UTRN: variants seen among roughly 807,000 people sequenced by gnomAD.
UTRN encodes the protein utrophin, also known as dystrophin-related protein 1.
A neutral mutation model predicts 463.9 loss-of-function variants in UTRN; 283 were observed. The observed-to-expected ratio is 0.61, with a 90% confidence interval of 0.55 to 0.67. UTRN has a LOEUF of 0.67. UTRN is among the 30% of genes least tolerant of loss of function. The probability of loss-of-function intolerance (pLI) is 0.00; values close to 1 mark genes in which losing one functional copy is unlikely to be tolerated. For synonymous variants in UTRN, 1,442 were observed against 1,431.5 expected, an observed-to-expected ratio of 1.01 and a Z score of -0.17; for missense variants, 3,922 against 4,084.3, an observed-to-expected ratio of 0.96 and a Z score of 1.08.
chr6:144,454,323 G>A (rs1262460295), intron 19 of UTRN, among the ~76,000 whole-genome samples: 1 of 151,850 alleles, frequency 6.6e-6, no homozygotes, highest in East Asian at 1.9e-4. Context: ...TATTTTTATA[G>A]TTAAGTTTGA....
chr6:144,560,444 C>A (rs1019580044), intron 50 of UTRN, among the ~76,000 whole-genome samples: 1 of 152,078 alleles, frequency 6.6e-6, no homozygotes, highest in Non-Finnish European at 1.5e-5. Context: ...GTAATGCACT[C>A]CAGTACGTGG....
At chr6:144,840,662 C>T (rs746322900) in intron 72 of UTRN, 78 bp from the exon 73 acceptor site, 1 of 1,500,396 alleles carries the variant, frequency 6.7e-7, no homozygotes, top group South Asian at 1.2e-5. Context: ...TGGAGTATTT[C>T]CTCCTGAATT....
At chr6:144,683,202 G>A (rs1782385516) in intron 52 of UTRN, among the ~76,000 whole-genome samples, 1 of 152,144 alleles carries the variant, frequency 6.6e-6, no homozygotes, top group Non-Finnish European at 1.5e-5. Flanking sequence ...AGCAGTCACT[G>A]GGCAAGGTGG....
chr6:144,658,102 C>G (rs1181196408), intron 51 of UTRN, among the ~76,000 whole-genome samples: 1 of 152,148 alleles, frequency 6.6e-6, no homozygotes, highest in Non-Finnish European at 1.5e-5. Flanking sequence ...TTGATCCAAA[C>G]TGTAGATTAT....
At chr6:144,798,052 C>A (rs893774923) in intron 64 of UTRN, 62 bp downstream of exon 64, 4 of 1,602,244 alleles carry the variant, frequency 2.5e-6, no homozygotes, top group Middle Eastern at 1.7e-4. Context: ...CTCAGTGGTA[C>A]GTCCATCCTC....
intron 60 of UTRN, among the ~76,000 whole-genome samples, chr6:144,776,889 A>G (rs1424447255): frequency 6.6e-6 from 1 of 152,072 alleles, no homozygotes; most frequent in African/African-American, 2.4e-5. Flanking sequence ...TGGCTGGGAC[A>G]CTCATTCCTG....
chr6:144,575,260 TAAA>T (rs944526970), intron 50 of UTRN, among the ~76,000 whole-genome samples: 1 of 151,856 alleles, frequency 6.6e-6, no homozygotes, highest in African/African-American at 2.4e-5. Flanking sequence ...CATTATAAAA[TAAA>T]AAAAATGCCA....
At chr6:144,541,579 C>T (rs1378112143) in intron 45 of UTRN, among the ~76,000 whole-genome samples, 1 of 152,216 alleles carries the variant, frequency 6.6e-6, no homozygotes, top group African/African-American at 2.4e-5. Flanking sequence ...TGGTTTATTT[C>T]ATTCATTCAT....
At chr6:144,310,003 C>T (rs1007237358) in intron 2 of UTRN, among the ~76,000 whole-genome samples, 2 of 152,192 alleles carry the variant, frequency 1.3e-5, no homozygotes, top group African/African-American at 4.8e-5. Context: ...CCCTCATTAG[C>T]CCTCTCCACC....
chr6:144,312,116 G>C (rs1479148649), intron 2 of UTRN: 1 of 152,190 alleles, frequency 6.6e-6, no homozygotes, highest in Non-Finnish European at 1.5e-5. Context: ...TAAAAAGTAA[G>C]TGAATTAACA....
At chr6:144,770,691 T>C (rs1247327646) in intron 58 of UTRN, among the ~76,000 whole-genome samples, 1 of 152,206 alleles carries the variant, frequency 6.6e-6, no homozygotes, top group Non-Finnish European at 1.5e-5. Context: ...ATCTAACATA[T>C]GAATTAGTTT....
At chr6:144,390,198 G>A (rs546135134) in intron 2 of UTRN, among the ~76,000 whole-genome samples, 3 of 152,150 alleles carry the variant, frequency 2.0e-5, no homozygotes, top group Non-Finnish European at 2.9e-5. Context: ...CGGGAGACAC[G>A]CTGTATAATA....
At chr6:144,406,177 A>G (rs1783377544) in intron 3 of UTRN, among the ~76,000 whole-genome samples, 1 of 152,194 alleles carries the variant, frequency 6.6e-6, no homozygotes, top group African/African-American at 2.4e-5. Flanking sequence ...TGGGTCCCTC[A>G]TTAATTAATG....
chr6:144,321,455 C>T (rs1385299993), intron 2 of UTRN, among the ~76,000 whole-genome samples: 1 of 147,830 alleles, frequency 6.8e-6, no homozygotes, highest in African/African-American at 2.6e-5. Context: ...AGTAGCTGTG[C>T]CATATCTTTT....
At chr6:144,443,991 A>G (rs1056926478) in intron 13 of UTRN, among the ~76,000 whole-genome samples, 1 of 152,156 alleles carries the variant, frequency 6.6e-6, no homozygotes, top group Non-Finnish European at 1.5e-5. Flanking sequence ...TCTCATAAAA[A>G]CCACAATGAA....
rs558556796 is a variant in UTRN, at chr6:144,748,374, T to C, written c.8068T>C (p.Leu2690=). 2.4e-5 allele frequency: 39 copies of C among 1,613,850 alleles called. No individual in the cohort carries two copies. The highest frequency in any genetic ancestry group is 1.5e-4 in the South Asian group (14 of 91,078). Residue 2690 remains leucine, a synonymous_variant, in exon 55 of 75, where the codon TTG becomes CTG. Transcript: ENST00000367545. ...TTGGCAAAAGCAAGTGGACAAGGCA[T>C]TGGAGAAACTCAGAGACCTGCAGGG... The part of the protein sequence containing the change: ...SNWQKQVDKA[L]EKLRDLQGAM...
intron 53 of UTRN, among the ~76,000 whole-genome samples, chr6:144,705,646 T>G (rs1268633071): frequency 1.3e-5 from 2 of 152,162 alleles, no homozygotes; most frequent in Non-Finnish European, 2.9e-5. Context: ...GGAGTTAGGA[T>G]TTCAACCTGT....
At chr6:144,453,914 A>G (rs777123271) in intron 19 of UTRN, 45 bp downstream of exon 19, 2 of 1,531,792 alleles carry the variant, frequency 1.3e-6, no homozygotes, top group Non-Finnish European at 1.8e-6. Context: ...AGATGGTGGC[A>G]TCGAATAATA....
At chr6:144,447,893 C>A in intron 16 of UTRN, 112 bp downstream of exon 16, 1 of 1,060,712 alleles carries the variant, frequency 9.4e-7, no homozygotes, top group Non-Finnish European at 1.3e-6. Context: ...TTCCTTACAC[C>A]TGATGAAAAA....
Sources: gnomAD v4.1 joint callset for allele counts (sites outside exome capture counted in the v4.1 genomes callset) on GRCh38, gnomAD v4.1.1 for gene constraint, MANE v1.5 for transcripts, NCBI Gene and HGNC (gene_info 2026-07-23, HGNC 2026-07-21) for gene names.